Variants in NCAM2 observed in about 807,000 individuals in gnomAD.
NCAM2 encodes the protein N-CAM-2.
A neutral mutation model predicts 98.1 loss-of-function variants in NCAM2; 30 were observed. That is an observed-to-expected ratio of 0.31 (90% CI 0.23 to 0.41). The LOEUF (loss-of-function observed/expected upper bound fraction) is 0.41, where lower values mean the gene tolerates loss of function less well. Ranked by LOEUF, NCAM2 falls within the 10% of genes least tolerant of loss-of-function variation. The pLI, the probability that NCAM2 is intolerant of heterozygous loss-of-function variation, is 1.00. For synonymous variants in NCAM2, 368 were observed against 342.4 expected (o/e 1.07, Z -0.83); for missense variants, 867 against 1,005.8 (o/e 0.86, Z 1.87).
intron 1 of NCAM2, among the ~76,000 whole-genome samples, chr21:21,265,340 G>C (rs1372531480): frequency 1.7e-5 from 2 of 119,802 alleles, no homozygotes; most frequent in South Asian, 2.5e-4. Flanking sequence ...TAATATATAT[G>C]TGTATGTATG....
intron 1 of NCAM2, among the ~76,000 whole-genome samples, chr21:21,004,553 A>G (rs2064077640): frequency 6.6e-6 from 1 of 152,240 alleles, no homozygotes; most frequent in African/African-American, 2.4e-5. Flanking sequence ...ATAATTACAA[A>G]AACAAATAAT....
At chr21:21,516,274 T>C (rs1988707937) in intron 16 of NCAM2, among the ~76,000 whole-genome samples, 1 of 152,156 alleles carries the variant, frequency 6.6e-6, no homozygotes, top group Non-Finnish European at 1.5e-5. Flanking sequence ...CACAGGCATT[T>C]CATAACATCA....
At chr21:21,063,212 T>TTC (rs1318805217) in intron 1 of NCAM2, among the ~76,000 whole-genome samples, 4 of 30,736 alleles carry the variant, frequency 1.3e-4, no homozygotes, top group African/African-American at 3.7e-4. Flanking sequence ...TTTACATTCT[T>TTC]TTTTTTTTTT....
intron 1 of NCAM2, among the ~76,000 whole-genome samples, chr21:21,161,538 G>A (rs542774811): frequency 2.7e-5 from 4 of 150,678 alleles, no homozygotes; most frequent in East Asian, 2.0e-4. Flanking sequence ...GTTGAGAAAT[G>A]TGAGGGATTG....
intron 1 of NCAM2, among the ~76,000 whole-genome samples, chr21:21,181,427 A>C (rs2146911071): frequency 6.6e-6 from 1 of 152,304 alleles, no homozygotes; most frequent in East Asian, 1.9e-4. Context: ...AGAATTACAT[A>C]GTTTACAATA....
chr21:21,179,397 T>A (rs2068397450), intron 1 of NCAM2, among the ~76,000 whole-genome samples: 1 of 152,182 alleles, frequency 6.6e-6, no homozygotes, highest in Non-Finnish European at 1.5e-5. Context: ...ACAAATTGAA[T>A]GTTTTGCCTA....
At position 21,331,519 on chromosome 21, in the gene NCAM2, A is replaced by C. The variant is rs368868452; in HGVS notation, c.738-3986A>C. Among the ~76,000 whole-genome samples the C allele has an allele frequency of 6.4e-3, 56 of 8,814 alleles. 7 individuals are homozygous for C. The highest frequency in any genetic ancestry group is 0.019 in the African/African-American group (47 of 2,462). 5.8% of individuals were successfully genotyped at this position (8,814 alleles called of 152,430 possible). On this transcript the variant is annotated intron_variant, in intron 6 of 17. Coordinates refer to ENST00000400546, the MANE Select transcript of NCAM2 (RefSeq NM_004540.5). ...TATATACTCTATACTCTCTCTCTCTATATATATATATATATACTCTATATA... is the reference window on the plus strand; with the variant it reads ...TATATACTCTATACTCTCTCTCTCTCTATATATATATATATACTCTATATA...
intron 1 of NCAM2, among the ~76,000 whole-genome samples, chr21:21,258,272 T>C (rs1568844217): frequency 6.6e-6 from 1 of 152,080 alleles, no homozygotes; most frequent in Admixed American, 6.6e-5. Context: ...TAATAAAATA[T>C]TGAGGGGATT....
At chr21:21,025,173 C>T (rs1290905339) in intron 1 of NCAM2, among the ~76,000 whole-genome samples, 1 of 151,924 alleles carries the variant, frequency 6.6e-6, no homozygotes, top group African/African-American at 2.4e-5. Context: ...GCAAGCTCCG[C>T]CTCCCGGGTT....
chr21:21,150,648 A>G (rs145701600), intron 1 of NCAM2, among the ~76,000 whole-genome samples: 1 of 151,810 alleles, frequency 6.6e-6, no homozygotes, highest in East Asian at 1.9e-4. Context: ...TTTGATTTCC[A>G]TTCTTGGGAT....
At chr21:21,257,974 T>A (rs1261614240) in intron 1 of NCAM2, among the ~76,000 whole-genome samples, 1 of 152,198 alleles carries the variant, frequency 6.6e-6, no homozygotes, top group Non-Finnish European at 1.5e-5. Context: ...TGGGGAAATC[T>A]TAGATAACTG....
intron 5 of NCAM2, among the ~76,000 whole-genome samples, chr21:21,295,409 T>TA (rs2073441465): frequency 6.6e-6 from 1 of 151,824 alleles, no homozygotes; most frequent in Non-Finnish European, 1.5e-5. Flanking sequence ...TTTTCACAAA[T>TA]ATTCTTCCCC....
chr21:21,428,356 A>G (rs925602027), intron 11 of NCAM2, among the ~76,000 whole-genome samples: 1 of 152,210 alleles, frequency 6.6e-6, no homozygotes, highest in Non-Finnish European at 1.5e-5. Flanking sequence ...GTAGACCAGT[A>G]TCTTTGCATA....
chr21:21,415,894 A>G (rs1036469805), intron 10 of NCAM2, among the ~76,000 whole-genome samples: 3 of 152,180 alleles, frequency 2.0e-5, no homozygotes, highest in Non-Finnish European at 2.9e-5. Flanking sequence ...GGCCAACAAA[A>G]TATTTCTCCA....
At chr21:21,014,942 G>A (rs1026996707) in intron 1 of NCAM2, among the ~76,000 whole-genome samples, 1 of 152,130 alleles carries the variant, frequency 6.6e-6, no homozygotes. Flanking sequence ...GGATGGCCGA[G>A]GTTCAAGACT....
intron 1 of NCAM2, among the ~76,000 whole-genome samples, chr21:21,198,962 C>T (rs1487738909): frequency 6.6e-6 from 1 of 152,064 alleles, no homozygotes; most frequent in African/African-American, 2.4e-5. Flanking sequence ...TTAAGAGCTC[C>T]TGTATGTAGG....
At chr21:21,017,383 G>A (rs1270529845) in intron 1 of NCAM2, among the ~76,000 whole-genome samples, 4 of 115,640 alleles carry the variant, frequency 3.5e-5, no homozygotes, top group East Asian at 3.0e-4. Flanking sequence ...CAGATATCAC[G>A]CCACTGCACT....
intron 15 of NCAM2, among the ~76,000 whole-genome samples, chr21:21,493,430 T>C (rs965953799): frequency 1.1e-4 from 17 of 151,860 alleles, no homozygotes; most frequent in African/African-American, 3.9e-4. Flanking sequence ...CAAGATTGAA[T>C]GGAAACTAAA....
intron 1 of NCAM2, among the ~76,000 whole-genome samples, chr21:21,116,972 CAAT>C (rs2066575435): frequency 6.6e-6 from 1 of 151,596 alleles, no homozygotes; most frequent in South Asian, 2.1e-4. Flanking sequence ...GGGAAAAAAA[CAAT>C]GTCACCAAAA....
Sources: gnomAD v4.1 joint callset for allele counts (sites outside exome capture counted in the v4.1 genomes callset) on GRCh38, gnomAD v4.1.1 for gene constraint, MANE v1.5 for transcripts, NCBI Gene and HGNC (gene_info 2026-07-23, HGNC 2026-07-21) for gene names.